Variants in DIPK1C observed in about 807,000 individuals in gnomAD.
The protein encoded by DIPK1C is divergent protein kinase domain 1C.
A neutral mutation model predicts 28.0 loss-of-function variants in DIPK1C; 33 were observed. That is an observed-to-expected ratio of 1.18 (90% CI 0.89 to 1.58). DIPK1C has a LOEUF of 1.58. Ranked by LOEUF, DIPK1C falls within the 40% of genes most tolerant of loss-of-function variation. The pLI is 0.00. For synonymous variants in DIPK1C, 255 were observed against 248.8 expected (o/e 1.02, Z -0.23); for missense variants, 569 against 568.5 (o/e 1.00, Z -0.01).
intron 1 of DIPK1C, among the ~76,000 whole-genome samples, chr18:74,449,650 T>C (rs1986353999): frequency 6.6e-6 from 1 of 152,094 alleles, no homozygotes; most frequent in Non-Finnish European, 1.5e-5. Flanking sequence ...GCTAACACAA[T>C]GATGCACGCG....
chr18:74,448,833 G>A (rs1418497358), intron 1 of DIPK1C, among the ~76,000 whole-genome samples: 1 of 152,212 alleles, frequency 6.6e-6, no homozygotes, highest in Non-Finnish European at 1.5e-5. Flanking sequence ...ATCAGGCTGA[G>A]CATGGTGGCT....
At chr18:74,463,289 C>T in the DIPK1C span, among the ~76,000 whole-genome samples, 25 of 152,106 alleles carry the variant, frequency 1.6e-4, no homozygotes, top group African/African-American at 4.1e-4. Flanking sequence ...TTTGCTGTTC[C>T]GTTTTGCGAT....
At position 74,447,404 on chromosome 18, in the gene DIPK1C, C is replaced by T; in HGVS notation, c.199-121G>A. ...TCAGGACGCTGATAATCCAGCTGTG[C>T]AGAGAAACCTCAGCCCTGTGGATCT... On this transcript the variant is annotated intron_variant, in intron 1 of 3. Coordinates refer to ENST00000343998, the MANE Select transcript of DIPK1C (RefSeq NM_001044369.3). This position sits in a 1 kb window ranked among gnomAD's most constrained non-coding sequence, Gnocchi z 4.1. The T allele has an allele frequency of 9.7e-7, 1 of 1,027,136 alleles. No homozygotes were observed. Among genetic ancestry groups the T allele is most frequent in the Non-Finnish European group, 1.4e-6 (1 of 729,002 alleles). 63.6% of individuals were successfully genotyped at this position (1,027,136 alleles called of 1,614,324 possible). A position where few individuals can be genotyped will look rare whatever the true frequency, so the allele number is the denominator to read the frequency against.
chr18:74,437,588 A>G lies in DIPK1C; in HGVS notation c.1042-869T>C, dbSNP rs918618838. 2.6e-5 allele frequency among the ~76,000 whole-genome samples: 4 copies of G among 152,240 alleles called. No homozygotes were observed. The East Asian group carries it at 5.8e-4, about 22-fold the overall frequency. ...CTCCATTGTAAAGAGCTACTGCTTC[A>G]TAGAGGACAAAAACCTTCAACTTCC... On this transcript the variant is annotated intron_variant, in intron 3 of 3. Transcript: ENST00000343998.
At chr18:74,451,916 A>G (rs1986405541) in intron 1 of DIPK1C, among the ~76,000 whole-genome samples, 1 of 152,212 alleles carries the variant, frequency 6.6e-6, no homozygotes, top group Admixed American at 6.5e-5. Flanking sequence ...GTAAGTTGAA[A>G]ATGCGTTTCA....
chr18:74,442,039 A>G lies in DIPK1C; in HGVS notation c.954T>C (p.Asp318=). The G allele has an allele frequency of 6.2e-7, 1 of 1,614,200 alleles. No homozygotes were observed. The highest frequency in any genetic ancestry group is 8.5e-7 in the Non-Finnish European group (1 of 1,180,032). The change falls in exon 3 of 4, where the codon GAT becomes GAC. Residue 318 remains aspartate (D), a synonymous_variant. Transcript: ENST00000343998. ...AACAGTCAAAGAAATTGCAGTCTTC[A>G]TCTCCTGTGCAGTTTTGCTCAAGGA... ...REILEQNCTG[D]EDCNFFDCFS...
In DIPK1C at chr18:74,457,260, G is replaced by A. The variant is rs574224101; in HGVS notation, c.-1C>T. Reference sequence around the variant, plus strand: ...CCCGCGCGCCCGCCGCCCGCGCCATGGCCAGCCCTGCCCGCGCCCGGGCCC... The same window carrying A: ...CCCGCGCGCCCGCCGCCCGCGCCATAGCCAGCCCTGCCCGCGCCCGGGCCC... On this transcript the variant is annotated 5_prime_UTR_variant, in exon 1 of 4. Coordinates refer to ENST00000343998, the MANE Select transcript of DIPK1C (RefSeq NM_001044369.3). The A allele has an allele frequency of 0.019, 18,778 of 994,536 alleles. 208 individuals are homozygous for A. Among genetic ancestry groups the A allele is most frequent in the South Asian group, 0.042 (930 of 22,236 alleles). The allele number at this position is 994,536 out of a possible 1,614,324, so 61.6% of individuals were successfully genotyped here.
At position 74,445,538 on chromosome 18, in the gene DIPK1C, C is replaced by T. The variant is rs184980369; in HGVS notation, c.876+1068G>A. Among the ~76,000 whole-genome samples, 204 of 152,328 alleles carry T rather than the reference C, an allele frequency of 1.3e-3. 2 individuals are homozygous for T. Among genetic ancestry groups the T allele is most frequent in the African/African-American group, 4.7e-3 (195 of 41,568 alleles). On this transcript the variant is annotated intron_variant, in intron 2 of 3. Coordinates refer to ENST00000343998, the MANE Select transcript of DIPK1C (RefSeq NM_001044369.3). ...AGTTTTCCAGCTGCTTTCAGAAGACCATGCCATTCCTATGCCACCTGCCTT... is the reference window on the plus strand; with the variant it reads ...AGTTTTCCAGCTGCTTTCAGAAGACTATGCCATTCCTATGCCACCTGCCTT...
chr18:74,448,570 T>C, intron 1 of DIPK1C, among the ~76,000 whole-genome samples: 1 of 152,130 alleles, frequency 6.6e-6, no homozygotes, highest in Non-Finnish European at 1.5e-5. Flanking sequence ...AACTCCTTCC[T>C]TGCGTCACAC....
upstream of DIPK1C, among the ~76,000 whole-genome samples, chr18:74,462,656 A>G (rs1986634439): frequency 6.7e-6 from 1 of 150,202 alleles, no homozygotes; most frequent in Admixed American, 6.6e-5. Context: ...TAGTACATAT[A>G]TGTTTTGCTT....
At chr18:74,460,840 T>G (rs2144538675), upstream of DIPK1C, among the ~76,000 whole-genome samples, 1 of 152,328 alleles carries the variant, frequency 6.6e-6, no homozygotes, top group Non-Finnish European at 1.5e-5. Flanking sequence ...TCTATTTTGG[T>G]GTCGAAGATA....
upstream of DIPK1C, among the ~76,000 whole-genome samples, chr18:74,461,194 C>T (rs1322969670): frequency 1.3e-5 from 2 of 152,176 alleles, no homozygotes; most frequent in East Asian, 3.9e-4. Context: ...ATCTTGCAGG[C>T]CTGAGCGAGT....
At chr18:74,454,752 G>A (rs919718460) in intron 1 of DIPK1C, among the ~76,000 whole-genome samples, 1 of 152,200 alleles carries the variant, frequency 6.6e-6, no homozygotes, top group Non-Finnish European at 1.5e-5. Context: ...CAGCAGAGTT[G>A]GGATTGTGAA....
Position 74,436,650 on chromosome 18 carries a change from GCTGGAAAGAGACCGCAGAGCTC to G in DIPK1C, c.1089_1110del (p.Lys363AsnfsTer42). The stretch of plus-strand genomic sequence containing the variant: ...ACCGCCTCCTGTAACTGCAGCTGAA[GCTGGAAAGAGACCGCAGAGCTC>G]TTGAGAGGCGCGGAAAACCAATGGC... On this transcript the variant is annotated frameshift_variant, in exon 4 of 4. Transcript: ENST00000343998. LOFTEE classifies it low-confidence loss of function (END_TRUNC). The G allele has an allele frequency of 1.2e-6, 2 of 1,614,034 alleles. No homozygotes were observed. The highest frequency in any genetic ancestry group is 1.7e-6 in the Non-Finnish European group (2 of 1,180,030).
chr18:74,463,238 CT>C, the DIPK1C span, among the ~76,000 whole-genome samples: 3 of 152,290 alleles, frequency 2.0e-5, no homozygotes, highest in African/African-American at 7.2e-5. Context: ...ATTTGCTTGG[CT>C]GTTTTGAATG....
At chr18:74,453,191 T>C (rs778363823) in intron 1 of DIPK1C, among the ~76,000 whole-genome samples, 1 of 152,230 alleles carries the variant, frequency 6.6e-6, no homozygotes, top group Non-Finnish European at 1.5e-5. Context: ...AAACAAAACC[T>C]GTCCACTCTA....
rs866281323 is a variant in DIPK1C, at chr18:74,455,872, C to G, written c.198+1190G>C. Reference sequence around the variant, plus strand: ...TTCACGATGACACGATGACACGCGTCAGAATCAATTAGGAGCATAACTTGT... The same window carrying G: ...TTCACGATGACACGATGACACGCGTGAGAATCAATTAGGAGCATAACTTGT... On this transcript the variant is annotated intron_variant, in intron 1 of 3. Coordinates refer to ENST00000343998, the MANE Select transcript of DIPK1C (RefSeq NM_001044369.3). 5.9e-5 allele frequency among the ~76,000 whole-genome samples: 9 copies of G among 152,226 alleles called. No individual in the cohort carries two copies. The South Asian group carries it at 8.3e-4, about 14-fold the overall frequency.
intron 3 of DIPK1C, among the ~76,000 whole-genome samples, chr18:74,438,643 A>C (rs922280580): frequency 3.9e-5 from 6 of 152,164 alleles, no homozygotes; most frequent in Non-Finnish European, 8.8e-5. Flanking sequence ...GGTCAAGTTT[A>C]TATTTTTGGC....
chr18:74,460,402 A>C (rs1196718835), upstream of DIPK1C, among the ~76,000 whole-genome samples: 1 of 152,242 alleles, frequency 6.6e-6, no homozygotes, highest in African/African-American at 2.4e-5. Flanking sequence ...TCCTTAATGC[A>C]ATGTACACAC....
Sources: gnomAD v4.1 joint callset for allele counts (sites outside exome capture counted in the v4.1 genomes callset) on GRCh38, gnomAD v4.1.1 for gene constraint, Gnocchi (gnomAD v3.1) non-coding constraint, MANE v1.5 for transcripts, NCBI Gene and HGNC (gene_info 2026-07-23, HGNC 2026-07-21) for gene names.